CCDC93: variants seen among roughly 807,000 people sequenced by gnomAD.
CCDC93 encodes coiled-coil domain-containing protein 93.
Under a neutral mutation model 108.2 loss-of-function variants are expected in CCDC93, and 61 were observed. That is an observed-to-expected ratio of 0.56 (90% CI 0.46 to 0.70). The LOEUF is 0.70. Among genes scored for constraint, CCDC93 ranks in the 30% least tolerant of loss-of-function variants. The pLI, the probability that CCDC93 is intolerant of heterozygous loss-of-function variation, is 0.00. For missense variants in CCDC93, 685 were observed against 764.2 expected, an observed-to-expected ratio of 0.90 and a Z score of 1.22; for synonymous variants, 276 against 260.4, an observed-to-expected ratio of 1.06 and a Z score of -0.58.
At position 118,006,830 on chromosome 2, in the gene CCDC93, AG is replaced by A; in HGVS notation, c.157-15del. On this transcript the variant is annotated splice_polypyrimidine_tract_variant and intron_variant, in intron 2 of 23. Transcript: ENST00000376300. The stretch of plus-strand genomic sequence containing the variant: ...TCCTCCTACTACCTGCAAGACATAA[AG>A]AAAATATTTGTTTTCTCTTTTTAGT... 1 of 1,531,708 alleles carries A rather than the reference AG, an allele frequency of 6.5e-7. No homozygotes were observed. Among genetic ancestry groups the A allele is most frequent in the Non-Finnish European group, 9.0e-7 (1 of 1,106,484 alleles). The allele number at this position is 1,531,708 out of a possible 1,614,324, so 94.9% of individuals were successfully genotyped here. A position where few individuals can be genotyped will look rare whatever the true frequency, so the allele number is the denominator to read the frequency against.
intron 12 of CCDC93, among the ~76,000 whole-genome samples, chr2:117,953,326 A>G (rs1573483822): frequency 2.0e-5 from 3 of 152,168 alleles, no homozygotes; most frequent in Admixed American, 1.3e-4. Flanking sequence ...ATAAATAGTT[A>G]TAATTCCAAC....
At chr2:117,983,677 T>TATAG (rs1680219440) in intron 7 of CCDC93, among the ~76,000 whole-genome samples, 2 of 105,926 alleles carry the variant, frequency 1.9e-5, no homozygotes, top group Admixed American at 9.6e-5. Flanking sequence ...TATATATATA[T>TATAG]AGTCATATAA....
At chr2:117,920,966 G>A (rs36171435) in intron 23 of CCDC93, among the ~76,000 whole-genome samples, 3,088 of 152,152 alleles carry the variant, frequency 0.02, 39 homozygotes, top group Middle Eastern at 0.072. Context: ...GGCGGATCAT[G>A]AGGTCAGGAG....
intron 13 of CCDC93, chr2:117,950,347 A>C (rs1679013376): frequency 1.0e-6 from 1 of 985,306 alleles, no homozygotes; most frequent in East Asian, 1.1e-4. Flanking sequence ...ACTTAGACAT[A>C]AAAGAATACT....
intron 17 of CCDC93, 57 bp from the exon 18 acceptor site, chr2:117,944,143 G>C: frequency 7.9e-7 from 1 of 1,258,664 alleles, no homozygotes; most frequent in South Asian, 1.4e-5. Flanking sequence ...ACTCTTTAAT[G>C]GAGTCTTTGA....
intron 8 of CCDC93, among the ~76,000 whole-genome samples, chr2:117,976,438 T>C (rs909117983): frequency 3.3e-5 from 5 of 152,130 alleles, no homozygotes; most frequent in African/African-American, 1.2e-4. Context: ...GAAATCATTA[T>C]TCAGTTGACT....
chr2:118,012,062 G>A (rs367836289), intron 1 of CCDC93, among the ~76,000 whole-genome samples: 5 of 152,302 alleles, frequency 3.3e-5, no homozygotes, highest in African/African-American at 1.2e-4. Context: ...GTCCACTATA[G>A]TTGTTGTAAG....
In CCDC93 at chr2:117,940,628, G is replaced by A. The variant is rs548356933; in HGVS notation, c.1522+561C>T. ...GGCTAGGGGACTTGGAGGCACTGCA[G>A]CTAATGGTCATTTAGCTGAGATATG... On this transcript the variant is annotated intron_variant, in intron 19 of 23. Coordinates refer to ENST00000376300, the MANE Select transcript of CCDC93 (RefSeq NM_019044.5). Among the ~76,000 whole-genome samples, 3 of 152,326 alleles carry A rather than the reference G, an allele frequency of 2.0e-5. 1 individual carries two copies. The South Asian group carries it at 6.2e-4, about 32-fold the overall frequency.
At chr2:117,984,042 TAAGA>T (rs1680239884) in intron 7 of CCDC93, among the ~76,000 whole-genome samples, 3 of 152,142 alleles carry the variant, frequency 2.0e-5, no homozygotes, top group Non-Finnish European at 4.4e-5. Context: ...TTTATGACCT[TAAGA>T]AAGTCATTTT....
rs143570379 is a variant in CCDC93 at position 117,941,316 on chromosome 2, C to T, written c.1414-19G>A. On this transcript the variant is annotated intron_variant, in intron 18 of 23. Transcript: ENST00000376300. ...TTCGAGCCTAAATGCAAAAGGGAGACAGAGACAGTACTATTTGGTAAAAGG... is the reference window on the plus strand; with the variant it reads ...TTCGAGCCTAAATGCAAAAGGGAGATAGAGACAGTACTATTTGGTAAAAGG... 5.7e-4 allele frequency: 911 copies of T among 1,592,592 alleles called. 1 individual carries two copies. The highest frequency in any genetic ancestry group is 1.2e-3 in the Middle Eastern group (7 of 6,020).
chr2:118,007,419 C>A (rs1397538333), intron 2 of CCDC93, among the ~76,000 whole-genome samples: 1 of 152,230 alleles, frequency 6.6e-6, no homozygotes, highest in Non-Finnish European at 1.5e-5. Flanking sequence ...CGCCTGTAAT[C>A]CCAGCACTTT....
At chr2:117,984,053 T>C (rs1433600661) in intron 7 of CCDC93, among the ~76,000 whole-genome samples, 1 of 152,198 alleles carries the variant, frequency 6.6e-6, no homozygotes, top group Non-Finnish European at 1.5e-5. Flanking sequence ...AAGAAAGTCA[T>C]TTTTTAACCT....
chr2:117,923,323 C>T (rs1677949391), intron 23 of CCDC93, among the ~76,000 whole-genome samples: 2 of 152,170 alleles, frequency 1.3e-5, no homozygotes, highest in Non-Finnish European at 2.9e-5. Flanking sequence ...GAGGCATCGC[C>T]TCACCCAGGA....
At chr2:117,935,361 T>C (rs1042935379) in intron 22 of CCDC93, 134 bp downstream of exon 22, 3 of 654,330 alleles carry the variant, frequency 4.6e-6, no homozygotes, top group Non-Finnish European at 8.1e-6. Flanking sequence ...ATGGTGGGAA[T>C]ACCTCTGTAG....
chr2:117,950,366 A>G (rs186293653), intron 13 of CCDC93: 17 of 985,446 alleles, frequency 1.7e-5, no homozygotes, highest in Non-Finnish European at 3.6e-6. Context: ...CTGCATAAAA[A>G]CAATCAGCCT....
At chr2:117,995,595 T>C in intron 5 of CCDC93, 93 bp from the exon 6 acceptor site, 1 of 964,380 alleles carries the variant, frequency 1.0e-6, no homozygotes, top group South Asian at 1.4e-5. Context: ...TGACTTCTCA[T>C]CTCATCACTA....
At chr2:118,007,939 T>A (rs912730854) in intron 2 of CCDC93, among the ~76,000 whole-genome samples, 2 of 152,190 alleles carry the variant, frequency 1.3e-5, no homozygotes, top group East Asian at 3.9e-4. Flanking sequence ...CTGTGCACAG[T>A]CCACGGTGGC....
chr2:117,939,031 C>T lies in CCDC93; in HGVS notation c.1603G>A (p.Glu535Lys), dbSNP rs969718782. 10 of 1,560,466 alleles carry T rather than the reference C, an allele frequency of 6.4e-6. No individual in the cohort carries two copies. Among genetic ancestry groups the T allele is most frequent in the Non-Finnish European group, 7.9e-6 (9 of 1,132,936 alleles). Residue 535 changes from glutamate (E) to lysine (K), a missense_variant and splice_region_variant, in exon 20 of 24, where the codon GAG becomes AAG. Coordinates refer to ENST00000376300, the MANE Select transcript of CCDC93 (RefSeq NM_019044.5). ...LDDKKVYLEKEISLLNSIHEN... is the reference protein window; with the variant it reads ...LDDKKVYLEKKISLLNSIHEN... ...TTTCTTTTTATAAATGTTCTTACCT[C>T]TTTTTCCAAATAAACCTTTTTATCA...
Position 117,917,932 on chromosome 2 carries a change from A to T in CCDC93, c.*2411T>A, listed in dbSNP as rs1458064000. On this transcript the variant is annotated 3_prime_UTR_variant, in exon 24 of 24. Coordinates refer to ENST00000376300, the MANE Select transcript of CCDC93 (RefSeq NM_019044.5). ...AGCAGGGAGCCTCTCTCTCCTGGGG[A>T]AACCTGGTTCCTCCTGAAGCGCATA... 1 of 152,222 alleles carries T rather than the reference A, an allele frequency of 6.6e-6. No homozygotes were observed. Among genetic ancestry groups the T allele is most frequent in the African/African-American group, 2.4e-5 (1 of 41,448 alleles). The allele number at this position is 152,222 out of a possible 1,614,324, so 9.4% of individuals were successfully genotyped here.
Sources: gnomAD v4.1 joint callset for allele counts (sites outside exome capture counted in the v4.1 genomes callset) on GRCh38, gnomAD v4.1.1 for gene constraint, MANE v1.5 for transcripts, NCBI Gene and HGNC (gene_info 2026-07-23, HGNC 2026-07-21) for gene names.